Variants in CD58 observed in about 807,000 individuals in gnomAD.
The protein encoded by CD58 is lymphocyte function-associated antigen 3.
Under a neutral mutation model 27.6 loss-of-function variants are expected in CD58, and 14 were observed. That is an observed-to-expected ratio of 0.51 (90% CI 0.34 to 0.79). The LOEUF (loss-of-function observed/expected upper bound fraction) is 0.79. Ranked by LOEUF, CD58 falls within the 30% of genes least tolerant of loss-of-function variation. The pLI is 0.02. For missense variants in CD58, 268 were observed against 301.7 expected, an observed-to-expected ratio of 0.89 and a Z score of 0.83; for synonymous variants, 117 against 103.8, an observed-to-expected ratio of 1.13 and a Z score of -0.77.
At chr1:116,535,623 C>T (rs1657770000) in intron 3 of CD58, among the ~76,000 whole-genome samples, 1 of 139,250 alleles carries the variant, frequency 7.2e-6, no homozygotes, top group Admixed American at 7.4e-5. Context: ...GGGCGGATCA[C>T]GAGGTCAGGA....
intron 1 of CD58, among the ~76,000 whole-genome samples, chr1:116,558,149 T>C (rs2101217443): frequency 7.1e-6 from 1 of 141,336 alleles, no homozygotes; most frequent in Admixed American, 7.4e-5. Context: ...AAAGTTCATT[T>C]GACCAAAAAA....
In CD58 at chr1:116,532,581, C is replaced by G. The variant is rs1206752635; in HGVS notation, c.628+3384G>C. ...TTCTAGATCCCTGGAACCTCATCAC[C>G]AGACCTCGGCCCTTTTAGCCAAGTG... On this transcript the variant is annotated intron_variant, in intron 3 of 5. Coordinates refer to ENST00000369489, the MANE Select transcript of CD58 (RefSeq NM_001779.3). The surrounding 1 kb of genome is among the most constrained non-coding windows in gnomAD (Gnocchi z 5.1). Among the ~76,000 whole-genome samples the G allele has an allele frequency of 6.6e-6, 1 of 152,188 alleles. No homozygotes were observed. The highest frequency in any genetic ancestry group is 6.5e-5 in the Admixed American group (1 of 15,288).
chr1:116,550,633 A>C lies in CD58; in HGVS notation c.71-6029T>G, dbSNP rs868427926. Among the ~76,000 whole-genome samples the C allele has an allele frequency of 2.6e-5, 4 of 151,696 alleles. No homozygotes were observed. The highest frequency in any genetic ancestry group is 5.9e-5 in the Non-Finnish European group (4 of 67,970). ...GACGATTGGAATCAAATTCTTCCAA[A>C]CTCCTGTTAATGTTGATATTTTGAT... On this transcript the variant is annotated intron_variant, in intron 1 of 5. Coordinates refer to ENST00000369489, the MANE Select transcript of CD58 (RefSeq NM_001779.3). The surrounding 1 kb of genome is among the most constrained non-coding windows in gnomAD (Gnocchi z 4.2).
intron 2 of CD58, among the ~76,000 whole-genome samples, chr1:116,539,496 G>T (rs531005957): frequency 6.0e-4 from 91 of 152,158 alleles, no homozygotes; most frequent in African/African-American, 1.9e-3. Context: ...AGTGCCACAT[G>T]CAGGGTTTGT....
At position 116,538,973 on chromosome 1, in the gene CD58, T is replaced by C. The variant is rs1160456773; in HGVS notation, c.365-2745A>G. ...AGAAGCCCAGCTGCCTGAGTGCATA[T>C]CCCAGCTTCATGACTAAGAGCCATT... On this transcript the variant is annotated intron_variant, in intron 2 of 5. Transcript: ENST00000369489. The surrounding 1 kb of genome is among the most constrained non-coding windows in gnomAD (Gnocchi z 4.7). Among the ~76,000 whole-genome samples the C allele has an allele frequency of 6.6e-6, 1 of 152,224 alleles. No homozygotes were observed. The highest frequency in any genetic ancestry group is 2.4e-5 in the African/African-American group (1 of 41,464).
At position 116,519,475 on chromosome 1, in the gene CD58, A is replaced by G. The variant is rs1657197450; in HGVS notation, c.707-208T>C. 6.6e-6 allele frequency among the ~76,000 whole-genome samples: 1 copy of G among 152,244 alleles called. No homozygotes were observed. Among genetic ancestry groups the G allele is most frequent in the African/African-American group, 2.4e-5 (1 of 41,458 alleles). On this transcript the variant is annotated intron_variant, in intron 4 of 5. Transcript: ENST00000369489. This position sits in a 1 kb window ranked among gnomAD's most constrained non-coding sequence, Gnocchi z 4.7. ...GTTCAAAAATTGGTCAGAACATGAT[A>G]GAAAACCAAATGCAAAAACTGTTGA...
In CD58 at chr1:116,538,835, T is replaced by TG. The variant is rs1657900023; in HGVS notation, c.365-2608dup. ...CTCCTCACAAGCAGTACAGGACAGA[T>TG]GGGGAGACAGATGGATAGAAGGATA... On this transcript the variant is annotated intron_variant, in intron 2 of 5. Coordinates refer to ENST00000369489, the MANE Select transcript of CD58 (RefSeq NM_001779.3). This position sits in a 1 kb window ranked among gnomAD's most constrained non-coding sequence, Gnocchi z 4.7. 6.6e-6 allele frequency among the ~76,000 whole-genome samples: 1 copy of TG among 152,160 alleles called. No individual in the cohort carries two copies. The highest frequency in any genetic ancestry group is 1.5e-5 in the Non-Finnish European group (1 of 68,028).
intron 1 of CD58, among the ~76,000 whole-genome samples, chr1:116,569,394 G>A (rs1458056242): frequency 1.3e-5 from 2 of 152,086 alleles, no homozygotes; most frequent in Non-Finnish European, 1.5e-5. Flanking sequence ...GTAAGGCCCA[G>A]GAGAAGCTCT....
intron 3 of CD58, among the ~76,000 whole-genome samples, chr1:116,529,885 T>C (rs1170498661): frequency 6.6e-6 from 1 of 152,172 alleles, no homozygotes; most frequent in Non-Finnish European, 1.5e-5. Context: ...TGACAGTAGA[T>C]GTCATGACTA....
chr1:116,515,491 C>G lies in CD58; in HGVS notation c.744-669G>C, dbSNP rs989748536. ...AAAGGACAGCAAACTAGAAGTTTCC[C>G]TCCTTGGGAGCCTCACAGAACATGA... On this transcript the variant is annotated intron_variant, in intron 5 of 5. Transcript: ENST00000369489. This position sits in a 1 kb window ranked among gnomAD's most constrained non-coding sequence, Gnocchi z 4.6. Among the ~76,000 whole-genome samples, 1 of 152,190 alleles carries G rather than the reference C, an allele frequency of 6.6e-6. No individual in the cohort carries two copies. Among genetic ancestry groups the G allele is most frequent in the East Asian group, 1.9e-4 (1 of 5,192 alleles).
intron 4 of CD58, among the ~76,000 whole-genome samples, chr1:116,520,252 C>T (rs1354726179): frequency 2.0e-5 from 3 of 152,154 alleles, no homozygotes; most frequent in Non-Finnish European, 4.4e-5. Context: ...GCTGGGACTA[C>T]AGGCATGCAC....
At chr1:116,526,021 T>G (rs1431683871) in intron 3 of CD58, among the ~76,000 whole-genome samples, 1 of 152,214 alleles carries the variant, frequency 6.6e-6, no homozygotes, top group African/African-American at 2.4e-5. Flanking sequence ...ATGAGATCTT[T>G]GACTCATTTT....
intron 3 of CD58, among the ~76,000 whole-genome samples, chr1:116,526,897 C>T (rs1157061524): frequency 6.6e-6 from 1 of 151,930 alleles, no homozygotes; most frequent in Non-Finnish European, 1.5e-5. Context: ...AAATCTGGGA[C>T]ATATTTTGTT....
chr1:116,543,296 G>A (rs1036283804), intron 2 of CD58, among the ~76,000 whole-genome samples: 1 of 152,052 alleles, frequency 6.6e-6, no homozygotes, highest in Non-Finnish European at 1.5e-5. Flanking sequence ...TCAAGGACAG[G>A]GCATGGTGGT....
intron 1 of CD58, among the ~76,000 whole-genome samples, chr1:116,564,069 C>A (rs866948485): frequency 5.9e-5 from 9 of 152,208 alleles, no homozygotes; most frequent in African/African-American, 2.2e-4. Flanking sequence ...ATGCTTTTAA[C>A]AGCAACCAAG....
chr1:116,520,713 G>C (rs925278678), intron 4 of CD58, among the ~76,000 whole-genome samples: 1 of 152,078 alleles, frequency 6.6e-6, no homozygotes, highest in Non-Finnish European at 1.5e-5. Context: ...GATTAAAATA[G>C]ATTTTTAAAA....
chr1:116,551,895 A>G (rs1658405166), intron 1 of CD58, among the ~76,000 whole-genome samples: 1 of 152,052 alleles, frequency 6.6e-6, no homozygotes, highest in African/African-American at 2.4e-5. Flanking sequence ...GCCCACCACC[A>G]CACCCAGCTA....
rs2101193311 is a variant in CD58, at chr1:116,546,200, T to C, written c.71-1596A>G. 2.0e-5 allele frequency among the ~76,000 whole-genome samples: 3 copies of C among 152,286 alleles called. 1 individual carries two copies. Among genetic ancestry groups the C allele is most frequent in the Non-Finnish European group, 4.4e-5 (3 of 68,016 alleles). On this transcript the variant is annotated intron_variant, in intron 1 of 5. Transcript: ENST00000369489. This position sits in a 1 kb window ranked among gnomAD's most constrained non-coding sequence, Gnocchi z 4.1. Reference sequence around the variant, plus strand: ...AACAAACAAAAAACTGCAGCTATTTTAAGTTAACATTAAAGAGCAATTAAA... The same window carrying C: ...AACAAACAAAAAACTGCAGCTATTTCAAGTTAACATTAAAGAGCAATTAAA...
chr1:116,519,307 A>C lies in CD58; in HGVS notation c.707-40T>G, dbSNP rs776287766. 2 of 1,585,378 alleles carry C rather than the reference A, an allele frequency of 1.3e-6. No individual in the cohort carries two copies. The highest frequency in any genetic ancestry group is 1.7e-6 in the Non-Finnish European group (2 of 1,158,710). ...ATTGTCTTCTCAATTAAAGAACTGA[A>C]AAGAAAAGGTGAAATGTGGAGTTAC... On this transcript the variant is annotated intron_variant, in intron 4 of 5. Transcript: ENST00000369489. This position sits in a 1 kb window ranked among gnomAD's most constrained non-coding sequence, Gnocchi z 4.7.
Sources: gnomAD v4.1 joint callset for allele counts (sites outside exome capture counted in the v4.1 genomes callset) on GRCh38, gnomAD v4.1.1 for gene constraint, Gnocchi (gnomAD v3.1) non-coding constraint, MANE v1.5 for transcripts, NCBI Gene and HGNC (gene_info 2026-07-23, HGNC 2026-07-21) for gene names.